KLF8: variants seen among roughly 807,000 people sequenced by gnomAD.
KLF8 encodes KLF transcription factor 8.
A neutral mutation model predicts 18.2 loss-of-function variants in KLF8; 10 were observed. The observed-to-expected ratio is 0.55, with a 90% confidence interval of 0.34 to 0.93. KLF8 has a LOEUF of 0.93. KLF8 is among the 40% of genes least tolerant of loss of function. The pLI is 0.02. For synonymous variants in KLF8, 109 were observed against 97.3 expected (o/e 1.12, Z -0.71); for missense variants, 264 against 277.9 (o/e 0.95, Z 0.36).
chrX:56,074,690 C>G, the KLF8 span: 3 of 164,895 alleles, frequency 1.8e-5, no homozygotes, highest in Non-Finnish European at 3.5e-5. Context: ...GATAATTGGA[C>G]CTTTTTAGTA....
chrX:56,186,028 T>A, the KLF8 span, among the ~76,000 whole-genome samples: 1 of 112,032 alleles, frequency 8.9e-6, no homozygotes, highest in Non-Finnish European at 1.9e-5. Context: ...CATAAAAATA[T>A]TAACTTTAAA....
chrX:56,176,057 C>G, the KLF8 span, among the ~76,000 whole-genome samples: 1 of 111,762 alleles, frequency 8.9e-6, no homozygotes, highest in African/African-American at 3.3e-5. Flanking sequence ...ATCCATTTTG[C>G]CACTTGGTGT....
At chrX:56,107,411 C>T in the KLF8 span, among the ~76,000 whole-genome samples, 1 of 111,569 alleles carries the variant, frequency 9.0e-6, no homozygotes, top group Non-Finnish European at 1.9e-5. Flanking sequence ...TTTACCTGCT[C>T]AAGCCTCAGC....
At chrX:56,140,813 A>G in the KLF8 span, among the ~76,000 whole-genome samples, 2 of 105,591 alleles carry the variant, frequency 1.9e-5, no homozygotes, top group African/African-American at 7.3e-5. Flanking sequence ...AAAAAAAAAA[A>G]AAAAAAGAAA....
At chrX:56,179,988 G>A in the KLF8 span, among the ~76,000 whole-genome samples, 1 of 111,121 alleles carries the variant, frequency 9.0e-6, no homozygotes, top group Non-Finnish European at 1.9e-5. Context: ...TTTGGTATCA[G>A]GATGATGCTG....
In KLF8 at chrX:56,255,155, TATTTA is replaced by T. The variant is rs2066772968; in HGVS notation, c.81+4856_81+4860del. 4.4e-5 allele frequency among the ~76,000 whole-genome samples: 5 copies of T among 112,873 alleles called. No individual in the cohort carries two copies. The South Asian group carries it at 1.8e-3, about 41-fold the overall frequency. ...CCCACTTCTTTGGTTAATTTGTAGG[TATTTA>T]ATTTTATGTGTGGCTATTGTAAACA... On this transcript the variant is annotated intron_variant, in intron 2 of 5. Transcript: ENST00000468660.
At chrX:55,964,753 A>G in the KLF8 span, among the ~76,000 whole-genome samples, 1 of 111,827 alleles carries the variant, frequency 8.9e-6, no homozygotes, top group Non-Finnish European at 1.9e-5. Flanking sequence ...ATACATAAAA[A>G]CTACCAGAGA....
the KLF8 span, among the ~76,000 whole-genome samples, chrX:56,097,846 A>C: frequency 9.2e-6 from 1 of 108,924 alleles, no homozygotes; most frequent in Non-Finnish European, 1.9e-5. Flanking sequence ...AGTTAACATC[A>C]TACATAGTGG....
the KLF8 span, among the ~76,000 whole-genome samples, chrX:55,946,794 AAAAC>A: frequency 0.01 from 1,118 of 111,497 alleles, 7 homozygotes; most frequent in Middle Eastern, 0.023. Context: ...TTACAAGAAA[AAAAC>A]AAACAACCCC....
At chrX:56,173,047 G>C in the KLF8 span, among the ~76,000 whole-genome samples, 5 of 110,323 alleles carry the variant, frequency 4.5e-5, no homozygotes, top group African/African-American at 1.7e-4. Context: ...CATTCTGTAG[G>C]TTGCCTGTTC....
At chrX:56,052,766 C>T in the KLF8 span, among the ~76,000 whole-genome samples, 1 of 112,143 alleles carries the variant, frequency 8.9e-6, no homozygotes, top group Non-Finnish European at 1.9e-5. Flanking sequence ...AGGAGGCAGG[C>T]AGGCCTCCTT....
chrX:56,053,230 C>G, the KLF8 span, among the ~76,000 whole-genome samples: 1 of 112,305 alleles, frequency 8.9e-6, no homozygotes, highest in Admixed American at 9.4e-5. Flanking sequence ...CTGTCCTCTG[C>G]GTCGCTCACG....
rs1256654045 is a variant in KLF8, at chrX:56,233,233, G to A, written c.-102G>A. 2 of 1,001,383 alleles carry A rather than the reference G, an allele frequency of 2.0e-6. No individual in the cohort carries two copies. The highest frequency in any genetic ancestry group is 4.6e-5 in the Admixed American group (2 of 43,870). The allele number at this position is 1,001,383 out of a possible 1,213,427, so 82.5% of individuals were successfully genotyped here. On this transcript the variant is annotated 5_prime_UTR_variant, in exon 1 of 6. Transcript: ENST00000468660. ...TCGCCCTGCGCTATGTCAGAATGGG[G>A]CGGGTGTGAGGGGAACAGCTCTCTT...
At chrX:56,041,667 TTTGTTGTTGTTG>T in the KLF8 span, among the ~76,000 whole-genome samples, 40 of 96,425 alleles carry the variant, frequency 4.1e-4, no homozygotes, top group African/African-American at 7.7e-4. Context: ...TCTCTCTAGT[TTTGTTGTTGTTG>T]TTGTTGTTGT....
rs750879960 is a variant in KLF8 at position 56,277,590 on chromosome X, T to C, written c.899-6723T>C. On this transcript the variant is annotated intron_variant, in intron 5 of 5. Transcript: ENST00000468660. ...TGTGGCCACCACCACTCGGACGTGC[T>C]AGGTCAGGCCTTAAACTAATACAGC... 4.5e-5 allele frequency among the ~76,000 whole-genome samples: 5 copies of C among 112,255 alleles called. No homozygotes were observed. The East Asian group carries it at 1.4e-3, about 32-fold the overall frequency.
chrX:56,103,332 C>T, the KLF8 span, among the ~76,000 whole-genome samples: 36 of 111,389 alleles, frequency 3.2e-4, no homozygotes, highest in Non-Finnish European at 6.6e-4. Flanking sequence ...ACTGATTCTG[C>T]CTATCAATTA....
the KLF8 span, among the ~76,000 whole-genome samples, chrX:56,028,461 C>T: frequency 1.1e-4 from 12 of 111,537 alleles, no homozygotes; most frequent in African/African-American, 3.9e-4. Context: ...GGTAGCATAC[C>T]TGCTGTCTGC....
chrX:56,044,215 C>T, the KLF8 span, among the ~76,000 whole-genome samples: 34 of 42,639 alleles, frequency 8.0e-4, no homozygotes, highest in East Asian at 0.025. Context: ...CTGACCTGTT[C>T]CTGGCCTGTA....
At chrX:55,987,535 A>G in the KLF8 span, among the ~76,000 whole-genome samples, 20 of 111,333 alleles carry the variant, frequency 1.8e-4, 1 homozygote, top group Admixed American at 4.8e-4. Context: ...TGAACTCATC[A>G]TTTTTTATGG....
Sources: allele counts gnomAD v4.1 joint callset (sites outside exome capture counted in the v4.1 genomes callset), GRCh38; gene constraint gnomAD v4.1.1; transcripts MANE v1.5; gene names NCBI Gene and HGNC (gene_info 2026-07-23, HGNC 2026-07-21).